MARCHF8: variants seen among roughly 807,000 people sequenced by gnomAD.
The protein encoded by MARCHF8 is E3 ubiquitin-protein ligase MARCHF8.
A neutral mutation model predicts 51.6 loss-of-function variants in MARCHF8; 40 were observed. The ratio of observed to expected loss-of-function variants is 0.77; its 90% confidence interval spans 0.60 to 1.01. The LOEUF is 1.01. Ranked by LOEUF, MARCHF8 falls within the 50% of genes least tolerant of loss-of-function variation. The pLI is 0.00. For missense variants in MARCHF8, 685 were observed against 708.6 expected, an observed-to-expected ratio of 0.97 and a Z score of 0.38; for synonymous variants, 263 against 280.3, an observed-to-expected ratio of 0.94 and a Z score of 0.62.
chr10:45,550,237 TA>T (rs1398408945), intron 1 of MARCHF8, among the ~76,000 whole-genome samples: 1 of 152,200 alleles, frequency 6.6e-6, no homozygotes, highest in African/African-American at 2.4e-5. Flanking sequence ...CTATTTCTAC[TA>T]CAGAATAACA....
intron 1 of MARCHF8, among the ~76,000 whole-genome samples, chr10:45,552,240 C>T (rs567604204): frequency 9.2e-5 from 14 of 151,712 alleles, no homozygotes; most frequent in African/African-American, 3.1e-4. Context: ...ATGGTGAAAT[C>T]CCAAAGGTGG....
Position 45,577,980 on chromosome 10 carries a change from C to A in MARCHF8, c.-79+16255G>T, listed in dbSNP as rs570372682. ...GAGGTTACAGTGAGCTATGATCATA[C>A]CACTGCATTCCAGCCTAGGAGACAG... is the stretch of plus-strand genomic sequence containing the variant. On this transcript the variant is annotated intron_variant, in intron 1 of 6. Coordinates refer to the MARCHF8 transcript ENST00000319836. Among the ~76,000 whole-genome samples the A allele has an allele frequency of 3.9e-5, 6 of 152,272 alleles. No homozygotes were observed. In the South Asian group the frequency reaches 1.2e-3, roughly 32 times the overall value.
chr10:45,577,080 G>T (rs1046385443), intron 1 of MARCHF8, among the ~76,000 whole-genome samples: 1 of 152,054 alleles, frequency 6.6e-6, no homozygotes. Flanking sequence ...ATGGGATTAG[G>T]GACTCATCAA....
At chr10:45,568,939 C>T (rs1714405967) in intron 1 of MARCHF8, among the ~76,000 whole-genome samples, 1 of 151,116 alleles carries the variant, frequency 6.6e-6, no homozygotes, top group Non-Finnish European at 1.5e-5. Context: ...GTAGTGGGCG[C>T]CTGTAGTCCG....
Position 45,458,505 on chromosome 10 carries a change from C to T in MARCHF8, c.1456G>A (p.Val486Met), listed in dbSNP as rs1253522851. The T allele has an allele frequency of 3.7e-6, 6 of 1,609,920 alleles. No individual in the cohort carries two copies. The South Asian group carries it at 5.6e-5, about 15-fold the overall frequency. The change falls in exon 8 of 8, where the codon GTG becomes ATG. Residue 486 changes from valine to methionine, a missense_variant. Val to Met is a conservative substitution (Grantham distance 21). Coordinates refer to ENST00000453424, the MANE Select transcript of MARCHF8 (RefSeq NM_001282866.2). ...EWPFWTKLVV[V>M]AIGFTGGLLF... is the part of the protein sequence containing the mutation. The stretch of plus-strand genomic sequence containing the variant: ...AGTCCTCCGGTGAAGCCGATGGCCA[C>T]AACCACCAATTTAGTCCAAAAGGGC...
intron 6 of MARCHF8, among the ~76,000 whole-genome samples, chr10:45,459,506 A>C (rs73285358): frequency 0.025 from 3,744 of 152,280 alleles, 158 homozygotes; most frequent in African/African-American, 0.084. Context: ...CTACCATCAA[A>C]AATCCCCTTG....
intron 2 of MARCHF8, among the ~76,000 whole-genome samples, chr10:45,525,000 A>G (rs993308393): frequency 5.3e-5 from 8 of 152,246 alleles, no homozygotes; most frequent in African/African-American, 1.2e-4. Flanking sequence ...CAAGTTCCTT[A>G]TATTAGGTTT....
At chr10:45,470,772 C>T (rs1378634951) in intron 3 of MARCHF8, among the ~76,000 whole-genome samples, 1 of 152,182 alleles carries the variant, frequency 6.6e-6, no homozygotes, top group East Asian at 1.9e-4. Flanking sequence ...TGACTTCATA[C>T]CACAGAGCCA....
chr10:45,491,863 G>A (rs2043086143), intron 2 of MARCHF8, among the ~76,000 whole-genome samples: 1 of 152,146 alleles, frequency 6.6e-6, no homozygotes, highest in Admixed American at 6.5e-5. Context: ...AGGAATGGCT[G>A]GTTTGACACC....
Position 45,513,095 on chromosome 10 carries a change from T to C in MARCHF8, c.102+20015A>G, listed in dbSNP as rs547163488. Among the ~76,000 whole-genome samples, 369 of 151,592 alleles carry C rather than the reference T, an allele frequency of 2.4e-3. 2 individuals carry two copies. The highest frequency in any genetic ancestry group is 8.3e-3 in the African/African-American group (344 of 41,218). On this transcript the variant is annotated intron_variant, in intron 2 of 7. Transcript: ENST00000453424. ...CAGGGACACAAACACTGCGGAAGGC[T>C]GCAGGGTCCTCTGCCTAGGAAAACC...
rs763166345 is a variant in MARCHF8, at chr10:45,575,893, CT to C, written c.-79+18341del. Reference sequence around the variant, plus strand: ...GCTCGAAAGCTCCCCCAATGAACACCTTGTGACCCCCACCAAAGAACAACCC... The same window carrying C: ...GCTCGAAAGCTCCCCCAATGAACACCTGTGACCCCCACCAAAGAACAACCC... On this transcript the variant is annotated intron_variant, in intron 1 of 6. Coordinates refer to the MARCHF8 transcript ENST00000319836. 3.0e-4 allele frequency among the ~76,000 whole-genome samples: 45 copies of C among 152,272 alleles called. No individual in the cohort carries two copies. In the Middle Eastern group the frequency reaches 0.014, roughly 46 times the overall value.
At chr10:45,492,630 A>G (rs1184725963) in intron 2 of MARCHF8, among the ~76,000 whole-genome samples, 2 of 152,194 alleles carry the variant, frequency 1.3e-5, no homozygotes, top group Admixed American at 6.5e-5. Flanking sequence ...ATTTATTTGG[A>G]CTTAAAATAT....
chr10:45,510,208 A>C (rs1250606538), intron 2 of MARCHF8, among the ~76,000 whole-genome samples: 1 of 152,162 alleles, frequency 6.6e-6, no homozygotes, highest in Non-Finnish European at 1.5e-5. Context: ...GCCACACCAG[A>C]AACTGCACAC....
At chr10:45,581,770 T>G (rs1484515178) in intron 1 of MARCHF8, among the ~76,000 whole-genome samples, 1 of 152,048 alleles carries the variant, frequency 6.6e-6, no homozygotes, top group Non-Finnish European at 1.5e-5. Context: ...TTGTGGCAAC[T>G]AAAAACTCAA....
intron 2 of MARCHF8, among the ~76,000 whole-genome samples, chr10:45,521,117 C>A: frequency 6.6e-6 from 1 of 152,154 alleles, no homozygotes; most frequent in East Asian, 1.9e-4. Context: ...TTTTAAGGGT[C>A]TTTTCCCCAA....
At chr10:45,558,003 G>A (rs1313580989) in intron 1 of MARCHF8, among the ~76,000 whole-genome samples, 1 of 152,212 alleles carries the variant, frequency 6.6e-6, no homozygotes. Flanking sequence ...AAATGTCAAT[G>A]ATCAGTATCA....
intron 3 of MARCHF8, among the ~76,000 whole-genome samples, chr10:45,480,479 A>G (rs1041589048): frequency 3.7e-5 from 5 of 134,116 alleles, no homozygotes; most frequent in Non-Finnish European, 8.5e-5. Context: ...GACTAGGAGG[A>G]AAAAAAAATG....
intron 2 of MARCHF8, among the ~76,000 whole-genome samples, chr10:45,494,435 T>TA (rs35560623): frequency 1.1e-4 from 17 of 150,840 alleles, no homozygotes; most frequent in African/African-American, 9.7e-5. Flanking sequence ...GACTGGTCCT[T>TA]AAAAAAAAAG....
chr10:45,476,659 A>AT (rs1361420824), intron 3 of MARCHF8, among the ~76,000 whole-genome samples: 2 of 152,264 alleles, frequency 1.3e-5, no homozygotes, highest in East Asian at 3.9e-4. Context: ...AAAATACATT[A>AT]TAAAAAAAAA....
Sources: allele counts gnomAD v4.1 joint callset (sites outside exome capture counted in the v4.1 genomes callset), GRCh38; gene constraint gnomAD v4.1.1; transcripts MANE v1.5; gene names NCBI Gene and HGNC (gene_info 2026-07-23, HGNC 2026-07-21).